Variants in RAP1GAP2 observed in about 807,000 individuals in gnomAD.
RAP1GAP2 encodes the protein rap1 GTPase-activating protein 2.
RAP1GAP2 carries 27 observed loss-of-function variants against 95.0 expected under a neutral mutation model. That is an observed-to-expected ratio of 0.28 (90% confidence interval 0.21 to 0.39). RAP1GAP2 has a LOEUF of 0.39. RAP1GAP2 is among the 10% of genes least tolerant of loss of function. RAP1GAP2 has a pLI of 1.00. For synonymous variants in RAP1GAP2, 373 were observed against 380.9 expected (o/e 0.98, Z 0.24); for missense variants, 771 against 970.0 (o/e 0.79, Z 2.72).
chr17:2,824,466 G>A (rs1194931793), intron 2 of RAP1GAP2, among the ~76,000 whole-genome samples: 1 of 149,072 alleles, frequency 6.7e-6, no homozygotes, highest in African/African-American at 2.5e-5. Flanking sequence ...AAAAAGTCCG[G>A]GCATGGTGGC....
rs2072674917 is a variant in RAP1GAP2 at position 2,867,759 on chromosome 17, A to G, written c.81-37525A>G. The stretch of plus-strand genomic sequence containing the variant: ...AGGGGATGGAAGCTGGGCAGTAAAA[A>G]TGCCAACAGCTGTCCACTCTGCTGG... On this transcript the variant is annotated intron_variant, in intron 2 of 24. Transcript: ENST00000254695. The surrounding 1 kb of genome is among the most constrained non-coding windows in gnomAD (Gnocchi z 4.5). Among the ~76,000 whole-genome samples the G allele has an allele frequency of 6.6e-6, 1 of 152,130 alleles. No homozygotes were observed. The highest frequency in any genetic ancestry group is 6.6e-5 in the Admixed American group (1 of 15,252).
intron 12 of RAP1GAP2, among the ~76,000 whole-genome samples, chr17:2,992,944 C>G (rs1007346117): frequency 6.6e-6 from 1 of 151,898 alleles, no homozygotes; most frequent in Non-Finnish European, 1.5e-5. Flanking sequence ...GGCTCAGTGG[C>G]TCACGCCTGT....
intron 1 of RAP1GAP2, among the ~76,000 whole-genome samples, chr17:2,786,128 T>G (rs1185548751): frequency 6.6e-6 from 1 of 152,172 alleles, no homozygotes; most frequent in Non-Finnish European, 1.5e-5. Flanking sequence ...CTCGAACTCC[T>G]GACCTCAGGT....
intron 2 of RAP1GAP2, among the ~76,000 whole-genome samples, chr17:2,824,633 G>T (rs1471579419): frequency 6.6e-6 from 1 of 150,892 alleles, no homozygotes; most frequent in Non-Finnish European, 1.5e-5. Flanking sequence ...CTAGCTACTC[G>T]GGAGGCTGAG....
At chr17:2,990,288 A>G (rs550729454) in intron 11 of RAP1GAP2, among the ~76,000 whole-genome samples, 2 of 152,232 alleles carry the variant, frequency 1.3e-5, no homozygotes, top group South Asian at 2.1e-4. Flanking sequence ...TGACTCTATG[A>G]TTAGCCTTTG....
chr17:3,013,877 C>T (rs2046659024), intron 17 of RAP1GAP2, among the ~76,000 whole-genome samples: 1 of 152,096 alleles, frequency 6.6e-6, no homozygotes, highest in African/African-American at 2.4e-5. Flanking sequence ...CTCTGCATCT[C>T]AGAATTGTAG....
chr17:2,837,966 C>T (rs1365702698), intron 2 of RAP1GAP2, among the ~76,000 whole-genome samples: 3 of 146,264 alleles, frequency 2.1e-5, no homozygotes, highest in Non-Finnish European at 4.5e-5. Context: ...TTCTAGGTTT[C>T]GGTTTACTCA....
intron 3 of RAP1GAP2, among the ~76,000 whole-genome samples, chr17:2,946,900 G>T (rs1411225042): frequency 6.6e-6 from 1 of 152,132 alleles, no homozygotes; most frequent in Non-Finnish European, 1.5e-5. Flanking sequence ...GATTATAGGC[G>T]CCCGCCACCA....
chr17:2,772,978 C>T (rs190294794), upstream of RAP1GAP2, among the ~76,000 whole-genome samples: 1 of 151,800 alleles, frequency 6.6e-6, no homozygotes, highest in East Asian at 1.9e-4. Context: ...CCTGCCTCAG[C>T]CTCCCTAGTA....
At position 3,004,464 on chromosome 17, in the gene RAP1GAP2, G is replaced by T. The variant is rs2151603072; in HGVS notation, c.1201-905G>T. On this transcript the variant is annotated intron_variant, in intron 14 of 24. Transcript: ENST00000254695. The surrounding 1 kb of genome is among the most constrained non-coding windows in gnomAD (Gnocchi z 4.1). ...CGCCAGGGCTGGGCTCACGTCAGCGGCTGTGTAGGGAAGGGAGGGCAGTCT... is the reference window on the plus strand; with the variant it reads ...CGCCAGGGCTGGGCTCACGTCAGCGTCTGTGTAGGGAAGGGAGGGCAGTCT... Among the ~76,000 whole-genome samples the T allele has an allele frequency of 6.6e-6, 1 of 152,366 alleles. No homozygotes were observed. Among genetic ancestry groups the T allele is most frequent in the Middle Eastern group, 3.4e-3 (1 of 294 alleles).
At chr17:2,853,949 T>C in intron 2 of RAP1GAP2, 2 of 981,510 alleles carry the variant, frequency 2.0e-6, no homozygotes, top group Non-Finnish European at 2.4e-6. Context: ...GAGCCGGGGC[T>C]GCGGGGACGC....
intron 8 of RAP1GAP2, among the ~76,000 whole-genome samples, chr17:2,974,238 A>G (rs1406297769): frequency 6.6e-6 from 1 of 151,882 alleles, no homozygotes; most frequent in African/African-American, 2.4e-5. Flanking sequence ...AGTCCCAGCT[A>G]CTTGGGAGGC....
intron 2 of RAP1GAP2, among the ~76,000 whole-genome samples, chr17:2,901,230 A>C (rs1160009376): frequency 1.3e-5 from 2 of 152,198 alleles, no homozygotes; most frequent in Non-Finnish European, 2.9e-5. Context: ...CCTCAGTGCC[A>C]TGTGAGAAGG....
intron 3 of RAP1GAP2, among the ~76,000 whole-genome samples, chr17:2,925,847 A>T (rs866868228): frequency 6.6e-6 from 1 of 152,254 alleles, no homozygotes; most frequent in African/African-American, 2.4e-5. Flanking sequence ...CCGGGTTAGG[A>T]ACCTGGTCAG....
At chr17:2,893,780 G>T (rs761177148) in intron 2 of RAP1GAP2, among the ~76,000 whole-genome samples, 1 of 152,240 alleles carries the variant, frequency 6.6e-6, no homozygotes, top group East Asian at 1.9e-4. Flanking sequence ...CTGCTCTGTC[G>T]GCAGTTTCTG....
chr17:2,888,863 A>G (rs1407604132), intron 2 of RAP1GAP2, among the ~76,000 whole-genome samples: 1 of 145,544 alleles, frequency 6.9e-6, no homozygotes, highest in East Asian at 2.0e-4. Flanking sequence ...GGGTTTCACC[A>G]TGTTGCCCAG....
intron 11 of RAP1GAP2, among the ~76,000 whole-genome samples, chr17:2,985,854 A>T (rs927960807): frequency 1.3e-5 from 2 of 152,184 alleles, no homozygotes; most frequent in African/African-American, 4.8e-5. Flanking sequence ...AGTGGTTTCC[A>T]TACTTACGGA....
At chr17:2,822,451 G>C (rs933727763) in intron 2 of RAP1GAP2, among the ~76,000 whole-genome samples, 1 of 151,660 alleles carries the variant, frequency 6.6e-6, no homozygotes, top group Non-Finnish European at 1.5e-5. Flanking sequence ...GTGAAACCTC[G>C]TTGCCAAAGA....
chr17:2,970,112 A>C (rs2151507963), intron 8 of RAP1GAP2, among the ~76,000 whole-genome samples: 1 of 151,822 alleles, frequency 6.6e-6, no homozygotes, highest in Non-Finnish European at 1.5e-5. Flanking sequence ...TGTCTCTACT[A>C]AAAATACAAA....
Sources: allele counts gnomAD v4.1 joint callset (sites outside exome capture counted in the v4.1 genomes callset), GRCh38; gene constraint gnomAD v4.1.1; non-coding constraint Gnocchi (gnomAD v3.1); transcripts MANE v1.5; gene names NCBI Gene and HGNC (gene_info 2026-07-23, HGNC 2026-07-21).